The following ACYP2 variants were observed in gnomAD, a reference collection of about 807,000 sequenced individuals.
The protein encoded by ACYP2 is acylphosphatase 2.
Under a neutral mutation model 11.2 loss-of-function variants are expected in ACYP2, and 12 were observed. The ratio of observed to expected loss-of-function variants is 1.08; its 90% confidence interval spans 0.69 to 1.74. The LOEUF (loss-of-function observed/expected upper bound fraction) is 1.74. ACYP2 is among the 40% of genes most tolerant of loss of function. The pLI is 0.00. For missense variants in ACYP2, 134 were observed against 101.9 expected (o/e 1.31, Z -1.35); for synonymous variants, 43 against 32.2 (o/e 1.33, Z -1.13).
intron 6 of ACYP2, among the ~76,000 whole-genome samples, chr2:54,167,594 T>A (rs535999986): frequency 2.6e-5 from 4 of 152,226 alleles, no homozygotes. Context: ...GAGGAACTAC[T>A]GAGGCATTTG....
chr2:54,293,966 T>C (rs962459087), intron 6 of ACYP2, among the ~76,000 whole-genome samples: 2 of 152,262 alleles, frequency 1.3e-5, no homozygotes, highest in Non-Finnish European at 2.9e-5. Context: ...CCATTATTAA[T>C]GCTAGTTTAA....
chr2:54,180,834 C>G (rs751704950), intron 6 of ACYP2, among the ~76,000 whole-genome samples: 1 of 152,146 alleles, frequency 6.6e-6, no homozygotes. Flanking sequence ...AGATTTCAGG[C>G]GTGAACCACT....
chr2:54,184,810 T>TCAA (rs1683898660), intron 6 of ACYP2, among the ~76,000 whole-genome samples: 1 of 151,796 alleles, frequency 6.6e-6, no homozygotes, highest in East Asian at 1.9e-4. Flanking sequence ...TATAACAATA[T>TCAA]CAATTCATTT....
chr2:54,300,356 C>T (rs572641125), intron 6 of ACYP2, among the ~76,000 whole-genome samples: 1 of 152,350 alleles, frequency 6.6e-6, no homozygotes, highest in Non-Finnish European at 1.5e-5. Context: ...AGGAATGCTG[C>T]TGGAAGATGG....
intron 4 of ACYP2, among the ~76,000 whole-genome samples, chr2:54,078,398 TATATATGCGTACC>T (rs997345710): frequency 1.9e-3 from 224 of 118,310 alleles, no homozygotes; most frequent in African/African-American, 7.2e-3. Flanking sequence ...GCAAATCATA[TATATATGCGTACC>T]ATATATGGTA....
chr2:54,202,890 A>T (rs1167107702), intron 6 of ACYP2, among the ~76,000 whole-genome samples: 1 of 151,734 alleles, frequency 6.6e-6, no homozygotes, highest in Non-Finnish European at 1.5e-5. Flanking sequence ...TAAGTTTTCA[A>T]ATTGAAAAGA....
chr2:54,274,013 C>T (rs1269616056), intron 6 of ACYP2, among the ~76,000 whole-genome samples: 1 of 152,176 alleles, frequency 6.6e-6, no homozygotes, highest in South Asian at 2.1e-4. Flanking sequence ...GGCAAGATGG[C>T]TTATGCCTGT....
chr2:54,012,719 C>G (rs377176092), intron 2 of ACYP2, among the ~76,000 whole-genome samples: 3 of 152,120 alleles, frequency 2.0e-5, no homozygotes, highest in African/African-American at 4.8e-5. Context: ...GGTTGTTTCC[C>G]AAGCCTCCCA....
At chr2:54,157,652 G>T (rs1682492075) in intron 6 of ACYP2, among the ~76,000 whole-genome samples, 1 of 152,200 alleles carries the variant, frequency 6.6e-6, no homozygotes, top group African/African-American at 2.4e-5. Flanking sequence ...AATTTCTTGT[G>T]TGGGAAGACC....
At chr2:54,302,224 C>A (rs1364942299) in intron 6 of ACYP2, among the ~76,000 whole-genome samples, 4 of 152,166 alleles carry the variant, frequency 2.6e-5, no homozygotes, top group Non-Finnish European at 5.9e-5. Context: ...CTCTTGAGCC[C>A]ATTCAAATAT....
intron 6 of ACYP2, among the ~76,000 whole-genome samples, chr2:54,242,280 G>A (rs983153968): frequency 6.6e-6 from 1 of 152,180 alleles, no homozygotes; most frequent in African/African-American, 2.4e-5. Flanking sequence ...AAACCACCAG[G>A]CTTGGTAGAT....
At chr2:54,258,696 C>T (rs843699) in intron 6 of ACYP2, among the ~76,000 whole-genome samples, 73,094 of 151,936 alleles carry the variant, frequency 0.48, 18,590 homozygotes, top group African/African-American at 0.65. Context: ...GACCAGGTGG[C>T]AGCAATGGAG....
intron 6 of ACYP2, among the ~76,000 whole-genome samples, chr2:54,155,399 T>G (rs1682383872): frequency 6.6e-6 from 1 of 152,224 alleles, no homozygotes; most frequent in African/African-American, 2.4e-5. Context: ...TGATATTTAT[T>G]CTTTTCTGAT....
chr2:53,988,761 T>TTTTG (rs1194223851), intron 2 of ACYP2, among the ~76,000 whole-genome samples: 18 of 151,100 alleles, frequency 1.2e-4, no homozygotes, highest in Middle Eastern at 3.5e-3. Context: ...GTTTTGTTTT[T>TTTTG]TTGAGACAGA....
chr2:54,200,708 T>C (rs910067935), intron 6 of ACYP2, among the ~76,000 whole-genome samples: 6 of 152,246 alleles, frequency 3.9e-5, no homozygotes, highest in African/African-American at 1.4e-4. Flanking sequence ...ATAATGCTGC[T>C]ATGAACATTC....
At chr2:54,089,001 A>G (rs1558519927) in intron 4 of ACYP2, among the ~76,000 whole-genome samples, 1 of 152,238 alleles carries the variant, frequency 6.6e-6, no homozygotes, top group Non-Finnish European at 1.5e-5. Flanking sequence ...AGTAAGAAAG[A>G]TAAGATAGTA....
chr2:53,975,061 C>G lies in ACYP2; in HGVS notation c.62+1251C>G, dbSNP rs1236329100. The stretch of plus-strand genomic sequence containing the variant: ...CCAATATGGTGACACCCCGTCTCTA[C>G]TAAAAATACAAAAATTAGCCTGGCA... On this transcript the variant is annotated intron_variant, in intron 2 of 6. Transcript: ENST00000607452. Among the ~76,000 whole-genome samples, 3 of 152,010 alleles carry G rather than the reference C, an allele frequency of 2.0e-5. No individual in the cohort carries two copies. In the East Asian group the frequency reaches 5.8e-4, roughly 29 times the overall value.
At chr2:54,033,271 C>A (rs1293099704) in intron 2 of ACYP2, among the ~76,000 whole-genome samples, 1 of 151,218 alleles carries the variant, frequency 6.6e-6, no homozygotes, top group African/African-American at 2.4e-5. Context: ...AACCAAGGCT[C>A]ACTGCAGCCT....
chr2:54,128,652 G>A (rs548362574), intron 4 of ACYP2, among the ~76,000 whole-genome samples: 1 of 152,268 alleles, frequency 6.6e-6, no homozygotes, highest in Admixed American at 6.5e-5. Context: ...GGGCAACAGA[G>A]TGAGACCCCA....
Sources: gnomAD v4.1 joint callset for allele counts (sites outside exome capture counted in the v4.1 genomes callset) on GRCh38, gnomAD v4.1.1 for gene constraint, MANE v1.5 for transcripts, NCBI Gene and HGNC (gene_info 2026-07-23, HGNC 2026-07-21) for gene names.